ADAM19: variants seen among roughly 807,000 people sequenced by gnomAD.
ADAM19 encodes disintegrin and metalloproteinase domain-containing protein 19.
ADAM19 carries 65 observed loss-of-function variants against 114.7 expected under a neutral mutation model. The observed-to-expected ratio is 0.57, with a 90% CI of 0.46 to 0.70. The LOEUF (loss-of-function observed/expected upper bound fraction) is 0.70. ADAM19 is among the 30% of genes least tolerant of loss of function. ADAM19 has a pLI of 0.00. For synonymous variants in ADAM19, 466 were observed against 460.5 expected (o/e 1.01, Z -0.15); for missense variants, 1,063 against 1,204.7 (o/e 0.88, Z 1.74).
In ADAM19 at chr5:157,537,929, G is replaced by C; in HGVS notation, c.314C>G (p.Thr105Ser). 1 of 1,614,016 alleles carries C rather than the reference G, an allele frequency of 6.2e-7. No homozygotes were observed. Residue 105 changes from threonine (T) to serine (S), a missense_variant, in exon 4 of 23, where the codon ACC (threonine) becomes AGC (serine). Physicochemically the swap from Thr to Ser is moderately conservative, Grantham distance 58. This residue lies in a region of ADAM19 where 615 missense variants were observed against 706.3 expected (regional missense o/e 0.87). Transcript: ENST00000257527. ...TGAACTCACCTCCAATTTCCGTGTG[G>C]TGGTTTGAGGGTTACCACTTGAAGT... ...HYTSSGNPQT[T>S]TRKLEDHCFY...
At chr5:157,489,672 T>C (rs1755082384) in intron 19 of ADAM19, among the ~76,000 whole-genome samples, 1 of 152,154 alleles carries the variant, frequency 6.6e-6, no homozygotes. Context: ...AAACAAACTT[T>C]AAAGCAACAG....
chr5:157,573,333 G>A (rs929490495), intron 1 of ADAM19, among the ~76,000 whole-genome samples: 1 of 152,180 alleles, frequency 6.6e-6, no homozygotes, highest in Non-Finnish European at 1.5e-5. Flanking sequence ...TTATCTAGGG[G>A]AATGTACCAT....
At chr5:157,566,392 A>G (rs1270233759) in intron 2 of ADAM19, 1 of 152,220 alleles carries the variant, frequency 6.6e-6, no homozygotes, top group Non-Finnish European at 1.5e-5. Flanking sequence ...AGTTAATGGG[A>G]TCATGAGTTA....
intron 13 of ADAM19, among the ~76,000 whole-genome samples, chr5:157,497,914 G>T (rs1466253369): frequency 2.6e-5 from 4 of 152,224 alleles, no homozygotes; most frequent in Admixed American, 6.5e-5. Context: ...CACAACCAGG[G>T]TTTGAAGTCA....
chr5:157,573,620 C>A (rs2113804937), intron 1 of ADAM19, among the ~76,000 whole-genome samples: 1 of 152,150 alleles, frequency 6.6e-6, no homozygotes, highest in East Asian at 1.9e-4. Context: ...GTGGCACATG[C>A]CAATAAGCCC....
chr5:157,546,745 T>C (rs1757061717), intron 3 of ADAM19, among the ~76,000 whole-genome samples: 1 of 152,250 alleles, frequency 6.6e-6, no homozygotes, highest in South Asian at 2.1e-4. Context: ...ACGTGGAGAC[T>C]GCCAGTTTTC....
intron 21 of ADAM19, among the ~76,000 whole-genome samples, chr5:157,487,176 C>T (rs1754966983): frequency 6.6e-6 from 1 of 152,182 alleles, no homozygotes; most frequent in Admixed American, 6.5e-5. Flanking sequence ...CCACCTCTCT[C>T]TCTCCACTCC....
intron 5 of ADAM19, among the ~76,000 whole-genome samples, chr5:157,530,037 C>T (rs1561545149): frequency 6.6e-6 from 1 of 152,216 alleles, no homozygotes; most frequent in Non-Finnish European, 1.5e-5. Context: ...CTCATCCATC[C>T]CGAGCATATT....
chr5:157,525,431 C>G (rs1756425183), intron 5 of ADAM19, among the ~76,000 whole-genome samples: 1 of 152,184 alleles, frequency 6.6e-6, no homozygotes. Context: ...CTGGTCTACT[C>G]TTGTTTTACA....
chr5:157,545,169 C>G (rs1757015433), intron 3 of ADAM19, among the ~76,000 whole-genome samples: 1 of 152,200 alleles, frequency 6.6e-6, no homozygotes, highest in South Asian at 2.1e-4. Context: ...TACTAAGACA[C>G]AGACCGCACC....
In ADAM19 at chr5:157,480,035, G is replaced by GTCCT; in HGVS notation, c.*913_*914insAGGA. On this transcript the variant is annotated 3_prime_UTR_variant, in exon 23 of 23. Coordinates refer to ENST00000257527, the MANE Select transcript of ADAM19 (RefSeq NM_033274.5). ...TGAGGGAAATCCAGTGGCCGACTGT[G>GTCCT]AGAGAGGACTCTGACTTGTAGGTCA... 1 of 985,990 alleles carries GTCCT rather than the reference G, an allele frequency of 1.0e-6. No homozygotes were observed. Among genetic ancestry groups the GTCCT allele is most frequent in the Non-Finnish European group, 1.2e-6 (1 of 830,022 alleles). 61.1% of individuals were successfully genotyped at this position (985,990 alleles called of 1,614,324 possible).
chr5:157,481,120 G>C, intron 22 of ADAM19, 118 bp from the exon 23 acceptor site: 1 of 1,360,716 alleles, frequency 7.3e-7, no homozygotes, highest in Non-Finnish European at 1.0e-6. Flanking sequence ...TGAGAACAAA[G>C]GCTTCTTGTG....
chr5:157,517,177 T>A (rs1756116728), intron 7 of ADAM19, among the ~76,000 whole-genome samples: 2 of 152,168 alleles, frequency 1.3e-5, no homozygotes, highest in Non-Finnish European at 2.9e-5. Context: ...GCCTGCAGCC[T>A]AGTGCTCTCC....
chr5:157,512,111 T>C (rs569881256), intron 8 of ADAM19, among the ~76,000 whole-genome samples: 1 of 152,238 alleles, frequency 6.6e-6, no homozygotes, highest in Non-Finnish European at 1.5e-5. Context: ...GTAGGATTAT[T>C]TAAATGTTAT....
rs769632513 is a variant in ADAM19, at chr5:157,502,959, G to T, written c.1152C>A (p.Phe384Leu). The T allele has an allele frequency of 6.2e-7, 1 of 1,614,034 alleles. No individual in the cohort carries two copies. The highest frequency in any genetic ancestry group is 1.1e-5 in the South Asian group (1 of 91,080). The change falls in exon 12 of 23, where the codon TTC (phenylalanine) becomes TTA (leucine). Residue 384 changes from phenylalanine (F) to leucine (L), a missense_variant. By Grantham distance (22) the Phe-to-Leu change is conservative (BLOSUM62 0). Coordinates refer to ENST00000257527, the MANE Select transcript of ADAM19 (RefSeq NM_033274.5). Reference sequence around the variant, plus strand: ...CCAGCTCCCTCCTGTTGCATCCATTGAACACTTTGGGAAAGGGGTGCCTGG... The same window carrying T: ...CCAGCTCCCTCCTGTTGCATCCATTTAACACTTTGGGAAAGGGGTGCCTGG... ...AATGHPFPKV[F>L]NGCNRRELDR...
At chr5:157,507,020 G>T (rs777307750) in intron 10 of ADAM19, 36 bp downstream of exon 10, 1 of 1,570,084 alleles carries the variant, frequency 6.4e-7, no homozygotes, top group Non-Finnish European at 8.8e-7. Context: ...GCAGCTCAGC[G>T]CCTTCTGCAG....
intron 3 of ADAM19, among the ~76,000 whole-genome samples, chr5:157,550,844 C>T (rs539451972): frequency 2.0e-5 from 3 of 152,230 alleles, no homozygotes; most frequent in African/African-American, 4.8e-5. Context: ...TATATATCCA[C>T]GTTACATGTA....
intron 21 of ADAM19, among the ~76,000 whole-genome samples, chr5:157,483,780 C>T (rs971718103): frequency 3.3e-5 from 5 of 151,846 alleles, no homozygotes; most frequent in Admixed American, 3.3e-4. Flanking sequence ...ATTACAGGCA[C>T]CCACCACCAT....
intron 3 of ADAM19, among the ~76,000 whole-genome samples, chr5:157,562,155 G>A (rs148966917): frequency 8.5e-5 from 13 of 152,312 alleles, no homozygotes; most frequent in African/African-American, 1.4e-4. Flanking sequence ...CTAGGAAGTC[G>A]TGTGCAGTTG....
Sources: allele counts gnomAD v4.1 joint callset (sites outside exome capture counted in the v4.1 genomes callset), GRCh38; gene constraint gnomAD v4.1.1; regional missense constraint gnomAD v4.1.1; transcripts MANE v1.5; gene names NCBI Gene and HGNC (gene_info 2026-07-23, HGNC 2026-07-21).